Variants in SCARA5 observed in about 807,000 individuals in gnomAD.
The protein encoded by SCARA5 is scavenger receptor class A, member 5 (putative).
In SCARA5, 45 loss-of-function variants were observed where a neutral mutation model predicts 46.3. The ratio of observed to expected loss-of-function variants is 0.97; its 90% confidence interval spans 0.76 to 1.24. The LOEUF (loss-of-function observed/expected upper bound fraction) is 1.24, where lower values mean the gene tolerates loss of function less well. Ranked by LOEUF, SCARA5 falls within the 50% of genes most tolerant of loss-of-function variation. The probability of loss-of-function intolerance (pLI) is 0.00; values close to 1 mark genes in which losing one functional copy is unlikely to be tolerated. For synonymous variants in SCARA5, 333 were observed against 306.5 expected, an observed-to-expected ratio of 1.09 and a Z score of -0.90; for missense variants, 680 against 689.0, an observed-to-expected ratio of 0.99 and a Z score of 0.15.
At chr8:27,964,302 AG>A (rs1192817000) in intron 3 of SCARA5, among the ~76,000 whole-genome samples, 2 of 152,328 alleles carry the variant, frequency 1.3e-5, no homozygotes, top group South Asian at 4.1e-4. Context: ...CCAAGAGATC[AG>A]GTACGACATT....
At chr8:27,904,925 C>G in intron 6 of SCARA5, 91 bp from the exon 7 acceptor site, 1 of 1,148,262 alleles carries the variant, frequency 8.7e-7, no homozygotes, top group South Asian at 1.3e-5. Flanking sequence ...GAACTCGAGA[C>G]CAGAGAAACC....
intron 2 of SCARA5, among the ~76,000 whole-genome samples, chr8:27,967,090 G>A (rs1215492900): frequency 6.6e-6 from 1 of 152,172 alleles, no homozygotes; most frequent in Non-Finnish European, 1.5e-5. Context: ...CTATTTTTAA[G>A]GGTTGGCAAC....
At chr8:27,974,509 C>T (rs527445812) in intron 2 of SCARA5, among the ~76,000 whole-genome samples, 1 of 151,784 alleles carries the variant, frequency 6.6e-6, no homozygotes, top group African/African-American at 2.4e-5. Flanking sequence ...TTAACAGCAA[C>T]AAACAGCTAC....
At chr8:27,908,716 G>C (rs1337435394) in intron 5 of SCARA5, among the ~76,000 whole-genome samples, 1 of 152,028 alleles carries the variant, frequency 6.6e-6, no homozygotes, top group Non-Finnish European at 1.5e-5. Flanking sequence ...TGTGCCCCAG[G>C]CTCCCCATCT....
chr8:27,902,319 C>G (rs144820962), intron 7 of SCARA5, among the ~76,000 whole-genome samples: 58 of 152,224 alleles, frequency 3.8e-4, no homozygotes, highest in African/African-American at 1.3e-3. Flanking sequence ...GGCCTCCCCC[C>G]ACGCCTCCCC....
chr8:27,911,558 G>C (rs1003773352), intron 4 of SCARA5, among the ~76,000 whole-genome samples: 3 of 152,194 alleles, frequency 2.0e-5, no homozygotes, highest in Non-Finnish European at 2.9e-5. Flanking sequence ...CAGGCATGGT[G>C]GTGGGCGCCT....
chr8:27,931,512 A>G (rs1807772243), intron 3 of SCARA5, among the ~76,000 whole-genome samples: 1 of 152,034 alleles, frequency 6.6e-6, no homozygotes, highest in East Asian at 1.9e-4. Flanking sequence ...GTGATGAGTC[A>G]TAGGATAGGG....
intron 3 of SCARA5, among the ~76,000 whole-genome samples, chr8:27,923,420 A>C (rs77934746): frequency 6.6e-6 from 1 of 152,216 alleles, no homozygotes; most frequent in Non-Finnish European, 1.5e-5. Flanking sequence ...CAAGCTTTCC[A>C]TTCTCCAACA....
At position 27,919,946 on chromosome 8, in the gene SCARA5, A is replaced by G. The variant is rs1215345645; in HGVS notation, c.916+1625T>C. Among the ~76,000 whole-genome samples the G allele has an allele frequency of 2.0e-5, 3 of 150,526 alleles. No individual in the cohort carries two copies. In the South Asian group the frequency reaches 6.5e-4, roughly 33 times the overall value. ...CTGATGGCAGACTAAGGAATTTCTA[A>G]CGAATCCAGTGGGCCATGGGGAGCC... On this transcript the variant is annotated intron_variant, in intron 4 of 8. Coordinates refer to ENST00000354914, the MANE Select transcript of SCARA5 (RefSeq NM_173833.6).
chr8:27,952,283 C>T (rs183546485), intron 3 of SCARA5, among the ~76,000 whole-genome samples: 2 of 152,278 alleles, frequency 1.3e-5, no homozygotes, highest in East Asian at 3.9e-4. Flanking sequence ...TTTGGACTTC[C>T]ATCCTCCGAG....
At chr8:27,916,581 G>T (rs1036447950) in intron 4 of SCARA5, among the ~76,000 whole-genome samples, 1 of 152,232 alleles carries the variant, frequency 6.6e-6, no homozygotes, top group African/African-American at 2.4e-5. Context: ...GCAGACAGCA[G>T]TATGGGAATG....
chr8:27,966,416 G>A lies in SCARA5; in HGVS notation c.239C>T (p.Ala80Val), dbSNP rs1808368616. 1 of 1,608,166 alleles carries A rather than the reference G, an allele frequency of 6.2e-7. No individual in the cohort carries two copies. The highest frequency in any genetic ancestry group is 1.3e-5 in the African/African-American group (1 of 74,438). ...FLILVGIFIL[A>V]VSRPRSSPDD... is the part of the protein sequence containing the mutation. ...GGACAAAAATGGCCTGCTCTTACCTGCTAAGATGAAGATGCCCACAAGAAT... is the reference window on the plus strand; with the variant it reads ...GGACAAAAATGGCCTGCTCTTACCTACTAAGATGAAGATGCCCACAAGAAT... The change falls in exon 3 of 9, where the codon GCA becomes GTA. Residue 80 changes from alanine to valine, a missense_variant and splice_region_variant. This residue lies in a region of SCARA5 where 438 missense variants were observed against 384.5 expected (regional missense o/e 1.14). Transcript: ENST00000354914.
Position 27,966,504 on chromosome 8 carries a change from GGGTACAGCAGATGCTTGCCC to G in SCARA5, c.131_150del (p.Arg44ProfsTer39). 3 of 1,613,758 alleles carry G rather than the reference GGGTACAGCAGATGCTTGCCC, an allele frequency of 1.9e-6. No homozygotes were observed. Among genetic ancestry groups the G allele is most frequent in the Non-Finnish European group, 2.5e-6 (3 of 1,179,852 alleles). ...TTCAGGGCCGACAGGGACCCCAGCT[GGGTACAGCAGATGCTTGCCC>G]GCCGTTTGTGACATGGACCTGGACA... On this transcript the variant is annotated frameshift_variant, in exon 3 of 9. Coordinates refer to ENST00000354914, the MANE Select transcript of SCARA5 (RefSeq NM_173833.6). LOFTEE classifies it high-confidence loss of function.
intron 2 of SCARA5, among the ~76,000 whole-genome samples, chr8:27,982,883 G>A (rs1300313904): frequency 6.6e-6 from 1 of 152,180 alleles, no homozygotes; most frequent in Non-Finnish European, 1.5e-5. Context: ...AGGCAGGGAG[G>A]GTGAAGAGAA....
intron 4 of SCARA5, among the ~76,000 whole-genome samples, chr8:27,911,533 A>G (rs531283324): frequency 6.6e-6 from 1 of 152,298 alleles, no homozygotes; most frequent in South Asian, 2.1e-4. Context: ...CTCTACTAAA[A>G]ATACAAAAAT....
intron 7 of SCARA5, among the ~76,000 whole-genome samples, chr8:27,902,696 G>A (rs1296829458): frequency 1.3e-5 from 2 of 152,070 alleles, no homozygotes; most frequent in Admixed American, 6.6e-5. Context: ...AGCTACCTTG[G>A]CAGCATTCTG....
rs779423568 is a variant in SCARA5 at position 27,921,953 on chromosome 8, G to C, written c.534C>G (p.Ser178Arg). 6.5e-7 allele frequency: 1 copy of C among 1,543,282 alleles called. No individual in the cohort carries two copies. Among genetic ancestry groups the C allele is most frequent in the South Asian group, 1.2e-5 (1 of 82,036 alleles). Reference sequence around the variant, plus strand: ...GGTAGAGCTCCAGCTGCGCCGTGTCGCTCTGCTGGCCCGTGCGGTCCCGCA... The same window carrying C: ...GGTAGAGCTCCAGCTGCGCCGTGTCCCTCTGCTGGCCCGTGCGGTCCCGCA... Reference protein sequence around the residue: ...ALLRDRTGQQSDTAQLELYQL... With the variant: ...ALLRDRTGQQRDTAQLELYQL... The change falls in exon 4 of 9, where the codon AGC becomes AGG. Residue 178 changes from serine to arginine, a missense_variant. Physicochemically the swap from Ser to Arg is moderately radical, Grantham distance 110. Coordinates refer to ENST00000354914, the MANE Select transcript of SCARA5 (RefSeq NM_173833.6).
chr8:27,958,361 T>C (rs1808238423), intron 3 of SCARA5, among the ~76,000 whole-genome samples: 1 of 152,162 alleles, frequency 6.6e-6, no homozygotes, highest in Non-Finnish European at 1.5e-5. Context: ...CTCTGATGGC[T>C]AGGGCAGCCC....
At chr8:27,914,877 G>A (rs1165992478) in intron 4 of SCARA5, among the ~76,000 whole-genome samples, 2 of 152,148 alleles carry the variant, frequency 1.3e-5, no homozygotes, top group South Asian at 4.1e-4. Flanking sequence ...AGAAGCACCG[G>A]GGTTTTCCTG....
Sources: allele counts gnomAD v4.1 joint callset (sites outside exome capture counted in the v4.1 genomes callset), GRCh38; gene constraint gnomAD v4.1.1; regional missense constraint gnomAD v4.1.1; transcripts MANE v1.5; gene names NCBI Gene and HGNC (gene_info 2026-07-23, HGNC 2026-07-21).